The following CTNNA3 variants were observed in gnomAD, a reference collection of about 807,000 sequenced individuals.
CTNNA3 encodes the protein catenin alpha 3, also known as catenin alpha-3.
CTNNA3 carries 76 observed loss-of-function variants against 95.7 expected under a neutral mutation model. That is an observed-to-expected ratio of 0.79 (90% CI 0.66 to 0.96). CTNNA3 has a LOEUF of 0.96. Among genes scored for constraint, CTNNA3 ranks in the 40% least tolerant of loss-of-function variants. The probability of loss-of-function intolerance (pLI) is 0.00; values close to 1 mark genes in which losing one functional copy is unlikely to be tolerated. For synonymous variants in CTNNA3, 431 were observed against 374.4 expected, an observed-to-expected ratio of 1.15 and a Z score of -1.74; for missense variants, 1,191 against 1,089.8, an observed-to-expected ratio of 1.09 and a Z score of -1.31.
chr10:67,648,806 C>T (rs1263650943), intron 1 of CTNNA3: 1 of 1,288,554 alleles, frequency 7.8e-7, no homozygotes, highest in East Asian at 5.6e-5. Context: ...TCTCTTTTCT[C>T]AGCGATTCAG....
At chr10:66,839,788 A>T (rs1842986128) in intron 7 of CTNNA3, among the ~76,000 whole-genome samples, 1 of 152,156 alleles carries the variant, frequency 6.6e-6, no homozygotes, top group Non-Finnish European at 1.5e-5. Flanking sequence ...TATAACAGGC[A>T]GATATAATCC....
At chr10:67,429,506 TG>T (rs942534377) in intron 5 of CTNNA3, among the ~76,000 whole-genome samples, 3 of 152,038 alleles carry the variant, frequency 2.0e-5, no homozygotes, top group Non-Finnish European at 4.4e-5. Flanking sequence ...GGCATTTATT[TG>T]TGTTGTATAT....
chr10:67,158,402 G>A (rs576909531), intron 7 of CTNNA3, among the ~76,000 whole-genome samples: 6 of 152,218 alleles, frequency 3.9e-5, no homozygotes, highest in Admixed American at 2.6e-4. Context: ...TAATAAAACC[G>A]GTCAAGCTTT....
chr10:66,363,268 C>T (rs979209626), intron 12 of CTNNA3, among the ~76,000 whole-genome samples: 13 of 152,182 alleles, frequency 8.5e-5, no homozygotes, highest in African/African-American at 3.1e-4. Context: ...TTGTGTCCCT[C>T]TCAAATTCAT....
chr10:67,422,822 T>C (rs547027206), intron 5 of CTNNA3, among the ~76,000 whole-genome samples: 3 of 152,268 alleles, frequency 2.0e-5, no homozygotes, highest in African/African-American at 7.2e-5. Context: ...ACCTCTTTTC[T>C]TCATAAGTTA....
At chr10:66,871,161 C>G (rs970475378) in intron 7 of CTNNA3, among the ~76,000 whole-genome samples, 1 of 152,072 alleles carries the variant, frequency 6.6e-6, no homozygotes, top group Non-Finnish European at 1.5e-5. Flanking sequence ...AAGCAGAGGG[C>G]GAATAAAGCT....
chr10:67,208,476 A>C (rs766522382), intron 6 of CTNNA3, among the ~76,000 whole-genome samples: 21 of 152,286 alleles, frequency 1.4e-4, no homozygotes, highest in Admixed American at 2.6e-4. Flanking sequence ...TGAAGACTTA[A>C]AGAGCGGAAT....
At chr10:66,210,467 T>G (rs1162959446) in intron 13 of CTNNA3, among the ~76,000 whole-genome samples, 1 of 152,084 alleles carries the variant, frequency 6.6e-6, no homozygotes, top group Non-Finnish European at 1.5e-5. Flanking sequence ...TATTACATAA[T>G]GTAAATAATG....
At chr10:66,310,889 T>G (rs2092010748) in intron 12 of CTNNA3, among the ~76,000 whole-genome samples, 1 of 152,058 alleles carries the variant, frequency 6.6e-6, no homozygotes, top group African/African-American at 2.4e-5. Context: ...TTCACCATGT[T>G]AGCCAGCCAG....
intron 9 of CTNNA3, among the ~76,000 whole-genome samples, chr10:66,647,879 A>G (rs1845762610): frequency 6.6e-6 from 1 of 152,126 alleles, no homozygotes; most frequent in African/African-American, 2.4e-5. Flanking sequence ...TATGCTATCA[A>G]AAAAGAAATT....
intron 10 of CTNNA3, among the ~76,000 whole-genome samples, chr10:66,575,265 AAAAAATGAGGCTC>A (rs796677125): frequency 5.1e-4 from 77 of 152,240 alleles, no homozygotes; most frequent in African/African-American, 1.8e-3. Flanking sequence ...TTTAACAAAC[AAAAAATGAGGCTC>A]AAAAATTTAA....
At chr10:66,270,843 A>C (rs2091265662) in intron 13 of CTNNA3, among the ~76,000 whole-genome samples, 1 of 152,160 alleles carries the variant, frequency 6.6e-6, no homozygotes, top group Admixed American at 6.5e-5. Context: ...CTGTCTGAGG[A>C]ATTAGGGGAA....
At chr10:67,507,555 A>T (rs1839467679) in intron 5 of CTNNA3, among the ~76,000 whole-genome samples, 1 of 151,696 alleles carries the variant, frequency 6.6e-6, no homozygotes, top group African/African-American at 2.4e-5. Context: ...GGAAAGAAAC[A>T]AAGAAAAAAA....
Position 66,967,771 on chromosome 10 carries a change from G to A in CTNNA3, c.1048-192247C>T, listed in dbSNP as rs1384920826. 3.3e-5 allele frequency among the ~76,000 whole-genome samples: 5 copies of A among 152,130 alleles called. No homozygotes were observed. In the East Asian group the frequency reaches 9.6e-4, roughly 29 times the overall value. On this transcript the variant is annotated intron_variant, in intron 7 of 17. Coordinates refer to ENST00000433211, the MANE Select transcript of CTNNA3 (RefSeq NM_013266.4). ...GCCAGTGAGAAAAATAATCTGTTTA[G>A]TAGATTTAAATTATCATTATATTTC...
chr10:66,920,069 G>A (rs74141732), intron 7 of CTNNA3, among the ~76,000 whole-genome samples: 3,875 of 152,190 alleles, frequency 0.025, 100 homozygotes, highest in African/African-American at 0.07. Context: ...AGTAAATTCT[G>A]GCATGTCCTT....
chr10:66,390,133 A>G (rs954269866), intron 11 of CTNNA3, among the ~76,000 whole-genome samples: 10 of 152,172 alleles, frequency 6.6e-5, no homozygotes, highest in Admixed American at 4.6e-4. Flanking sequence ...ATGTTAAATC[A>G]CTGGCTTTCT....
chr10:67,533,383 C>T (rs576254898), intron 4 of CTNNA3, among the ~76,000 whole-genome samples: 11 of 149,978 alleles, frequency 7.3e-5, no homozygotes, highest in Non-Finnish European at 1.6e-4. Flanking sequence ...CTAAGAAGAA[C>T]AAATAGTACA....
chr10:66,845,716 A>AT (rs1306765689), intron 7 of CTNNA3, among the ~76,000 whole-genome samples: 8,734 of 126,962 alleles, frequency 0.069, 1,070 homozygotes, highest in African/African-American at 0.091. Context: ...AAAAAAAAAA[A>AT]AAAAAAAAAA....
At chr10:66,053,702 A>G (rs2080011365) in intron 15 of CTNNA3, among the ~76,000 whole-genome samples, 1 of 152,114 alleles carries the variant, frequency 6.6e-6, no homozygotes, top group Non-Finnish European at 1.5e-5. Flanking sequence ...ATACAAGCAT[A>G]TAACATATAA....
Sources: gnomAD v4.1 joint callset for allele counts (sites outside exome capture counted in the v4.1 genomes callset) on GRCh38, gnomAD v4.1.1 for gene constraint, MANE v1.5 for transcripts, NCBI Gene and HGNC (gene_info 2026-07-23, HGNC 2026-07-21) for gene names.